The following SYNE2 variants were observed in gnomAD, a reference collection of about 807,000 sequenced individuals.
SYNE2 encodes the protein spectrin repeat containing nuclear envelope protein 2.
SYNE2 carries 431 observed loss-of-function variants against 856.3 expected under a neutral mutation model. The ratio of observed to expected loss-of-function variants is 0.50; its 90% CI spans 0.47 to 0.55. The LOEUF is 0.55. Ranked by LOEUF, SYNE2 falls within the 20% of genes least tolerant of loss-of-function variation. SYNE2 has a pLI of 0.00. For synonymous variants in SYNE2, 2,923 were observed against 2,872.3 expected (o/e 1.02, Z -0.56); for missense variants, 8,129 against 8,023.2 (o/e 1.01, Z -0.50).
chr14:64,148,429 A>G (rs1433274731), intron 84 of SYNE2, among the ~76,000 whole-genome samples: 2 of 152,232 alleles, frequency 1.3e-5, no homozygotes, highest in African/African-American at 2.4e-5. Flanking sequence ...AAAGAAATTT[A>G]CAGACATGCC....
intron 85 of SYNE2, among the ~76,000 whole-genome samples, chr14:64,154,576 T>C (rs2098270643): frequency 6.6e-6 from 1 of 152,052 alleles, no homozygotes. Context: ...GCAGATCGCT[T>C]GAATTCAGCA....
intron 98 of SYNE2, among the ~76,000 whole-genome samples, chr14:64,189,358 T>G (rs961718880): frequency 6.6e-6 from 1 of 151,064 alleles, no homozygotes; most frequent in African/African-American, 2.4e-5. Context: ...AAGCTCCCCT[T>G]GTTAAAGGGG....
At chr14:63,950,995 A>G (rs1271744047) in intron 7 of SYNE2, among the ~76,000 whole-genome samples, 4 of 151,672 alleles carry the variant, frequency 2.6e-5, no homozygotes, top group African/African-American at 4.9e-5. Context: ...AATGAAGGAA[A>G]GTTAGTGCTC....
intron 29 of SYNE2, among the ~76,000 whole-genome samples, chr14:64,002,464 T>C (rs1395401032): frequency 1.3e-5 from 2 of 152,258 alleles, no homozygotes; most frequent in African/African-American, 2.4e-5. Flanking sequence ...AATTGTTCTC[T>C]GAACAGTTTA....
At chr14:63,979,973 T>A (rs1004396375) in intron 14 of SYNE2, among the ~76,000 whole-genome samples, 1 of 152,098 alleles carries the variant, frequency 6.6e-6, no homozygotes, top group Non-Finnish European at 1.5e-5. Context: ...TGTAAAAATT[T>A]AAAAAAATGA....
chr14:63,792,071 A>G (rs1190130036), intron 1 of SYNE2, among the ~76,000 whole-genome samples: 1 of 152,240 alleles, frequency 6.6e-6, no homozygotes, highest in Non-Finnish European at 1.5e-5. Context: ...CATGAAACAC[A>G]ATAGAAACAA....
At chr14:64,138,047 G>T (rs767610676) in intron 79 of SYNE2, 64 bp downstream of exon 79, 4 of 1,550,720 alleles carry the variant, frequency 2.6e-6, no homozygotes, top group Admixed American at 3.9e-5. Context: ...CGGGGATTCT[G>T]TAGTCAACTA....
intron 50 of SYNE2, among the ~76,000 whole-genome samples, chr14:64,064,851 G>C (rs928015167): frequency 1.7e-4 from 17 of 102,448 alleles, no homozygotes; most frequent in Non-Finnish European, 3.0e-4. Context: ...GCCACTTATA[G>C]ACTTTTTTTT....
chr14:63,836,247 C>A (rs1889857050), intron 1 of SYNE2, among the ~76,000 whole-genome samples: 1 of 152,114 alleles, frequency 6.6e-6, no homozygotes, highest in South Asian at 2.1e-4. Flanking sequence ...TGGTCTCGAA[C>A]TCCTGGGCTC....
Position 63,911,602 on chromosome 14 carries a change from A to G in SYNE2, c.79+2375A>G, listed in dbSNP as rs1165667215. Among the ~76,000 whole-genome samples the G allele has an allele frequency of 2.6e-5, 4 of 152,230 alleles. No individual in the cohort carries two copies. In the South Asian group the frequency reaches 8.3e-4, roughly 32 times the overall value. On this transcript the variant is annotated intron_variant, in intron 2 of 115. Transcript: ENST00000555002. The stretch of plus-strand genomic sequence containing the variant: ...ATTACTTGCCCAGAGTCCCGCAGCT[A>G]GTGAGCAGTGGAGCTGTGTTTTGAC...
At chr14:63,786,353 A>G (rs1043220387) in intron 1 of SYNE2, among the ~76,000 whole-genome samples, 2 of 152,234 alleles carry the variant, frequency 1.3e-5, no homozygotes, top group Non-Finnish European at 2.9e-5. Flanking sequence ...GGCTGCAGTC[A>G]GCAGTGATCA....
At position 64,165,248 on chromosome 14, in the gene SYNE2, T is replaced by C. The variant is rs539071566; in HGVS notation, c.16480-37T>C. On this transcript the variant is annotated intron_variant, in intron 89 of 115. Transcript: ENST00000555002. ...TGTTTAATTCTGTTTTATATGTACA[T>C]GAAAATAGTTTCTAATGAAAATTTC... The C allele has an allele frequency of 3.2e-5, 51 of 1,605,814 alleles. 1 individual carries two copies. In the South Asian group the frequency reaches 5.0e-4, roughly 16 times the overall value.
intron 61 of SYNE2, among the ~76,000 whole-genome samples, chr14:64,096,494 G>A (rs961376240): frequency 6.6e-6 from 1 of 152,186 alleles, no homozygotes; most frequent in Non-Finnish European, 1.5e-5. Flanking sequence ...CCTCTACTCT[G>A]TTTGTGTTAT....
chr14:63,956,651 A>G (rs779153466), intron 8 of SYNE2, among the ~76,000 whole-genome samples: 21 of 152,148 alleles, frequency 1.4e-4, no homozygotes, highest in Admixed American at 3.9e-4. Flanking sequence ...TCTGGGTTCC[A>G]TATCCATGGA....
intron 30 of SYNE2, among the ~76,000 whole-genome samples, chr14:64,005,391 G>A (rs1415002407): frequency 6.6e-6 from 1 of 152,164 alleles, no homozygotes; most frequent in East Asian, 1.9e-4. Context: ...TATATAGTTT[G>A]AAGATAGAGA....
At chr14:64,053,771 C>T in intron 48 of SYNE2, 114 bp downstream of exon 48, 2 of 1,037,604 alleles carry the variant, frequency 1.9e-6, no homozygotes, top group South Asian at 1.7e-5. Context: ...AGAGACCAGC[C>T]TGGCCAACAT....
At chr14:64,032,142 G>A (rs949710725) in intron 45 of SYNE2, among the ~76,000 whole-genome samples, 3 of 152,164 alleles carry the variant, frequency 2.0e-5, no homozygotes, top group East Asian at 1.9e-4. Context: ...TATTGTCTCC[G>A]TAGAATAGAA....
Position 63,904,622 on chromosome 14 carries a change from A to G in SYNE2, c.-51-4476A>G, listed in dbSNP as rs182751012. Among the ~76,000 whole-genome samples the G allele has an allele frequency of 3.2e-4, 48 of 152,024 alleles. 1 individual carries two copies. The highest frequency in any genetic ancestry group is 1.1e-3 in the African/African-American group (46 of 41,468). On this transcript the variant is annotated intron_variant, in intron 1 of 115. Transcript: ENST00000555002. The stretch of plus-strand genomic sequence containing the variant: ...TTGGCCACTTCTAAGTCTCCTTTTA[A>G]GAAGTGTCTATTCATGTCCTTTGCC...
intron 96 of SYNE2, 26 bp from the exon 97 acceptor site, chr14:64,186,398 T>TA: frequency 6.2e-7 from 1 of 1,614,086 alleles, no homozygotes; most frequent in Non-Finnish European, 8.5e-7. Flanking sequence ...GAAGGCTTTT[T>TA]ACCCCCTTCT....
Sources: gnomAD v4.1 joint callset for allele counts (sites outside exome capture counted in the v4.1 genomes callset) on GRCh38, gnomAD v4.1.1 for gene constraint, MANE v1.5 for transcripts, NCBI Gene and HGNC (gene_info 2026-07-23, HGNC 2026-07-21) for gene names.